The following CPB2 variants were observed in gnomAD, a reference collection of about 807,000 sequenced individuals.
CPB2 encodes carboxypeptidase B2.
A neutral mutation model predicts 57.0 loss-of-function variants in CPB2; 54 were observed. The ratio of observed to expected loss-of-function variants is 0.95; its 90% confidence interval spans 0.76 to 1.19. The LOEUF is 1.19. CPB2 is among the 50% of genes most tolerant of loss of function. The pLI, the probability that CPB2 is intolerant of heterozygous loss-of-function variation, is 0.00. For synonymous variants in CPB2, 189 were observed against 178.1 expected (o/e 1.06, Z -0.49); for missense variants, 426 against 512.0 (o/e 0.83, Z 1.62).
chr13:46,060,510 A>G (rs2044757158), intron 8 of CPB2, among the ~76,000 whole-genome samples: 1 of 152,154 alleles, frequency 6.6e-6, no homozygotes, highest in African/African-American at 2.4e-5. Context: ...CAATATTGTA[A>G]TTTATTTAAC....
intron 2 of CPB2, among the ~76,000 whole-genome samples, chr13:46,085,567 C>T (rs908688272): frequency 6.6e-6 from 1 of 152,078 alleles, no homozygotes; most frequent in African/African-American, 2.4e-5. Context: ...TTGGACCTGC[C>T]CTATAGTCTG....
In CPB2 at chr13:46,055,852, G is replaced by A; in HGVS notation, c.1000-3C>T. On this transcript the variant is annotated splice_polypyrimidine_tract_variant and splice_region_variant and intron_variant, in intron 9 of 10. Coordinates refer to ENST00000181383, the MANE Select transcript of CPB2 (RefSeq NM_001872.5). Reference sequence around the variant, plus strand: ...ACTGCTTCACTGGCTACTAGAGACTGGAAGCAACAAGATATAGAATTTCAG... The same window carrying A: ...ACTGCTTCACTGGCTACTAGAGACTAGAAGCAACAAGATATAGAATTTCAG... 6.5e-7 allele frequency: 1 copy of A among 1,538,280 alleles called. No individual in the cohort carries two copies. The highest frequency in any genetic ancestry group is 8.9e-7 in the Non-Finnish European group (1 of 1,122,858).
At chr13:46,104,390 T>C (rs1427961135) in intron 1 of CPB2, among the ~76,000 whole-genome samples, 1 of 152,250 alleles carries the variant, frequency 6.6e-6, no homozygotes, top group Non-Finnish European at 1.5e-5. Context: ...TTTGTGTTCT[T>C]CTAGATAGTT....
chr13:46,076,579 A>G (rs2139381007), intron 5 of CPB2, among the ~76,000 whole-genome samples: 2 of 152,300 alleles, frequency 1.3e-5, no homozygotes, highest in South Asian at 4.1e-4. Flanking sequence ...TACAGATTCA[A>G]TGCAATCCCT....
chr13:46,084,433 T>C (rs1167214472), intron 2 of CPB2, 90 bp from the exon 3 acceptor site: 3 of 1,438,930 alleles, frequency 2.1e-6, no homozygotes, highest in Non-Finnish European at 2.9e-6. Flanking sequence ...GTTTTATCTA[T>C]AAGGAGTATG....
chr13:46,074,098 T>G (rs1236075513), intron 5 of CPB2, 121 bp from the exon 6 acceptor site: 1 of 504,394 alleles, frequency 2.0e-6, no homozygotes, highest in Admixed American at 3.3e-5. Context: ...TGCATTGTTC[T>G]GCATTTCTTT....
chr13:46,100,351 G>T (rs1311178275), intron 1 of CPB2: 2 of 152,200 alleles, frequency 1.3e-5, no homozygotes, highest in Non-Finnish European at 2.9e-5. Flanking sequence ...ACACAACAGA[G>T]TTAGGTAATG....
In CPB2 at chr13:46,053,709, C is replaced by A. The variant is rs773350527; in HGVS notation, c.1177G>T (p.Gly393Ter). ...ATGTAACGCTCCGGCAGCAAGAATC[C>A]GTATGTGCCCGTATCTCGAAGTTCA... ...TIELRDTGTY[G>*]FLLPERYIKP... Residue 393 changes from glycine to a stop codon, truncating the protein, a stop_gained, in exon 11 of 11, where the codon GGA (glycine) becomes TGA (stop). Coordinates refer to ENST00000181383, the MANE Select transcript of CPB2 (RefSeq NM_001872.5). LOFTEE classifies it high-confidence loss of function. 6.2e-7 allele frequency: 1 copy of A among 1,613,962 alleles called. No individual in the cohort carries two copies. The highest frequency in any genetic ancestry group is 1.7e-5 in the Admixed American group (1 of 60,000).
At chr13:46,065,470 C>G (rs1036968198) in intron 7 of CPB2, among the ~76,000 whole-genome samples, 1 of 151,408 alleles carries the variant, frequency 6.6e-6, no homozygotes, top group Admixed American at 6.6e-5. Flanking sequence ...ACTAAAAATA[C>G]GAAAAAATTA....
intron 8 of CPB2, among the ~76,000 whole-genome samples, chr13:46,062,086 C>G (rs2044783013): frequency 1.5e-5 from 2 of 133,122 alleles, no homozygotes; most frequent in Non-Finnish European, 3.2e-5. Context: ...TTCTGTTTTT[C>G]ACTCTTATGA....
intron 5 of CPB2, among the ~76,000 whole-genome samples, chr13:46,074,927 G>C (rs2044999432): frequency 6.6e-6 from 1 of 152,196 alleles, no homozygotes; most frequent in South Asian, 2.1e-4. Flanking sequence ...CCACTGATCT[G>C]ACAGGAAGCA....
chr13:46,055,109 C>A (rs924805280), intron 10 of CPB2, among the ~76,000 whole-genome samples: 1 of 151,162 alleles, frequency 6.6e-6, no homozygotes, highest in Non-Finnish European at 1.5e-5. Flanking sequence ...CTGGATTTGG[C>A]CTTCAGGCTG....
At chr13:46,081,039 A>G (rs548549447) in intron 4 of CPB2, among the ~76,000 whole-genome samples, 37 of 151,646 alleles carry the variant, frequency 2.4e-4, no homozygotes, top group African/African-American at 8.7e-4. Flanking sequence ...GCAACTACCT[A>G]CAAGCTGAGG....
At chr13:46,085,565 G>T (rs555808055) in intron 2 of CPB2, among the ~76,000 whole-genome samples, 1 of 152,280 alleles carries the variant, frequency 6.6e-6, no homozygotes, top group East Asian at 1.9e-4. Flanking sequence ...CTTTGGACCT[G>T]CCCTATAGTC....
chr13:46,074,840 C>A (rs9534310), intron 5 of CPB2, among the ~76,000 whole-genome samples: 52,260 of 152,008 alleles, frequency 0.34, 9,216 homozygotes, highest in African/African-American at 0.39. Context: ...TTAGATTCTC[C>A]TAAGGAGCAT....
rs181185013 is a variant in CPB2, at chr13:46,065,393, G to A, written c.703-652C>T. Among the ~76,000 whole-genome samples the A allele has an allele frequency of 1.8e-4, 28 of 152,172 alleles. 1 individual carries two copies. The highest frequency in any genetic ancestry group is 6.3e-4 in the African/African-American group (26 of 41,524). On this transcript the variant is annotated intron_variant, in intron 7 of 10. Coordinates refer to ENST00000181383, the MANE Select transcript of CPB2 (RefSeq NM_001872.5). The stretch of plus-strand genomic sequence containing the variant: ...TGTAATCCCAGCACTTTGGGAGGCC[G>A]AGGCGGGCGGATCACGAGGTCAGGA...
chr13:46,056,990 G>A lies in CPB2; in HGVS notation c.1000-1141C>T, dbSNP rs1365674582. ...ACGTATTTAGTAGTTACTCTATGTC[G>A]CCTTAGAGTACAACTATTTGTAACA... On this transcript the variant is annotated intron_variant, in intron 9 of 10. Transcript: ENST00000181383. Among the ~76,000 whole-genome samples the A allele has an allele frequency of 2.6e-5, 4 of 152,130 alleles. 1 individual carries two copies. Among genetic ancestry groups the A allele is most frequent in the South Asian group, 4.2e-4 (2 of 4,818 alleles).
At chr13:46,064,857 C>G (rs1396916903) in intron 7 of CPB2, 116 bp from the exon 8 acceptor site, 1 of 721,460 alleles carries the variant, frequency 1.4e-6, no homozygotes, top group African/African-American at 1.7e-5. Context: ...CAATCCCATA[C>G]CTTGCATGGC....
chr13:46,084,176 A>C, intron 3 of CPB2, 43 bp downstream of exon 3: 10 of 1,606,084 alleles, frequency 6.2e-6, no homozygotes, highest in South Asian at 2.2e-5. Context: ...GTGCATAGTA[A>C]GTGTTTATAA....
Sources: allele counts gnomAD v4.1 joint callset (sites outside exome capture counted in the v4.1 genomes callset), GRCh38; gene constraint gnomAD v4.1.1; transcripts MANE v1.5; gene names NCBI Gene and HGNC (gene_info 2026-07-23, HGNC 2026-07-21).